ZNF677: variants seen among roughly 807,000 people sequenced by gnomAD.
ZNF677 encodes the protein hypothetical protein MGC48625.
A neutral mutation model predicts 8.1 loss-of-function variants in ZNF677; 5 were observed. That is an observed-to-expected ratio of 0.62 (90% CI 0.32 to 1.29). The LOEUF (loss-of-function observed/expected upper bound fraction) is 1.29, where lower values mean the gene tolerates loss of function less well. Ranked by LOEUF, ZNF677 falls within the 50% of genes most tolerant of loss-of-function variation. The probability of loss-of-function intolerance (pLI) is 0.05; values close to 1 mark genes in which losing one functional copy is unlikely to be tolerated. For synonymous variants in ZNF677, 221 were observed against 225.6 expected (o/e 0.98, Z 0.18); for missense variants, 685 against 685.9 (o/e 1.00, Z 0.01).
At chr19:53,253,710 AG>A (rs2091270714) in intron 1 of ZNF677, among the ~76,000 whole-genome samples, 1 of 145,990 alleles carries the variant, frequency 6.8e-6, no homozygotes, top group Admixed American at 6.9e-5. Context: ...AATAAATAAA[AG>A]AAAGCAAAAG....
intron 3 of ZNF677, among the ~76,000 whole-genome samples, chr19:53,247,762 T>C (rs115019575): frequency 0.032 from 4,907 of 152,300 alleles, 297 homozygotes; most frequent in African/African-American, 0.11. Flanking sequence ...ACTTAAAGTT[T>C]ATTTGGTCTG....
chr19:53,251,824 C>A (rs1568696752), intron 2 of ZNF677, among the ~76,000 whole-genome samples: 1 of 152,154 alleles, frequency 6.6e-6, no homozygotes, highest in African/African-American at 2.4e-5. Flanking sequence ...TTGCTGAAAC[C>A]CACACATTCT....
intron 3 of ZNF677, among the ~76,000 whole-genome samples, chr19:53,250,417 G>A (rs1248254824): frequency 6.6e-6 from 1 of 152,168 alleles, no homozygotes; most frequent in Non-Finnish European, 1.5e-5. Flanking sequence ...GCGAAGACAT[G>A]GAATCAACCT....
chr19:53,238,695 T>C, intron 4 of ZNF677, 138 bp from the exon 5 acceptor site: 1 of 740,778 alleles, frequency 1.3e-6, no homozygotes, highest in Non-Finnish European at 2.0e-6. Flanking sequence ...CTTTAAACGT[T>C]TAACAACACA....
At chr19:53,249,998 G>A (rs1010473483) in intron 3 of ZNF677, among the ~76,000 whole-genome samples, 6 of 151,944 alleles carry the variant, frequency 3.9e-5, no homozygotes, top group Admixed American at 2.0e-4. Flanking sequence ...TCAGCCTCTC[G>A]AGTAGCTGGG....
At chr19:53,244,117 C>G (rs1020322562) in intron 3 of ZNF677, 4 of 490,802 alleles carry the variant, frequency 8.1e-6, no homozygotes, top group Non-Finnish European at 1.4e-5. Context: ...ATTTCAGCAC[C>G]TTGAGAGGCT....
chr19:53,242,341 G>C, intron 4 of ZNF677: 1 of 398,660 alleles, frequency 2.5e-6, no homozygotes, highest in Non-Finnish European at 4.4e-6. Context: ...CTAGAAAAGG[G>C]AGAGAAATAA....
chr19:53,252,168 G>C (rs1277662563), intron 2 of ZNF677, among the ~76,000 whole-genome samples: 1 of 152,126 alleles, frequency 6.6e-6, no homozygotes, highest in Non-Finnish European at 1.5e-5. Flanking sequence ...CCTATGCCCC[G>C]ACCCCTTTCC....
chr19:53,251,149 G>T (rs1302316306), intron 3 of ZNF677, among the ~76,000 whole-genome samples: 1 of 152,036 alleles, frequency 6.6e-6, no homozygotes, highest in Admixed American at 6.6e-5. Flanking sequence ...AGTTTTCCAG[G>T]TATTTGTGCA....
Position 53,238,130 on chromosome 19 carries a change from CAGCT to C in ZNF677, c.593_596del (p.Gln198ArgfsTer46). ...CAGTTTGAAATCTCTGTAGTTCAGC[CAGCT>C]GTGCCTGTAAGCTTAATCCAATTTT... On this transcript the variant is annotated frameshift_variant, in exon 5 of 5. Transcript: ENST00000598513. LOFTEE classifies it low-confidence loss of function (END_TRUNC). 3 of 1,613,772 alleles carry C rather than the reference CAGCT, an allele frequency of 1.9e-6. No homozygotes were observed. The highest frequency in any genetic ancestry group is 2.5e-6 in the Non-Finnish European group (3 of 1,179,790).
Position 53,238,170 on chromosome 19 carries a change from C to A in ZNF677, c.557G>T (p.Cys186Phe). 6.2e-7 allele frequency: 1 copy of A among 1,613,344 alleles called. No individual in the cohort carries two copies. The highest frequency in any genetic ancestry group is 8.5e-7 in the Non-Finnish European group (1 of 1,179,742). Residue 186 changes from cysteine to phenylalanine, a missense_variant, in exon 5 of 5, where the codon TGT (cysteine) becomes TTT (phenylalanine). Cys to Phe is a radical substitution (Grantham distance 205). Coordinates refer to ENST00000598513, the MANE Select transcript of ZNF677 (RefSeq NM_182609.4). ...GCTTAATCCAATTTTATTTTCAAAA[C>A]ACTTCACGTATTTGTTTCCGGCATA... is the stretch of plus-strand genomic sequence containing the variant. ...IRYAGNKYVK[C>F]FENKIGLSLQ...
intron 3 of ZNF677, 63 bp from the exon 4 acceptor site, chr19:53,243,960 G>A (rs2146947272): frequency 6.8e-7 from 1 of 1,465,142 alleles, no homozygotes. Flanking sequence ...ACACAAAATG[G>A]CAGAAAAGAG....
intron 4 of ZNF677, chr19:53,241,773 A>G (rs2091053023): frequency 7.5e-6 from 3 of 398,362 alleles, no homozygotes; most frequent in Non-Finnish European, 1.3e-5. Context: ...GCAGAATGAT[A>G]CTGTGACAGA....
At position 53,241,507 on chromosome 19, in the gene ZNF677, T is replaced by C. The variant is rs145486716; in HGVS notation, c.169+2237A>G. The C allele has an allele frequency of 3.4e-4, 86 of 255,942 alleles. No homozygotes were observed. In the East Asian group the frequency reaches 4.3e-3, roughly 13 times the overall value. The allele number at this position is 255,942 out of a possible 1,614,324, so 15.9% of individuals were successfully genotyped here. On this transcript the variant is annotated intron_variant, in intron 4 of 4. Coordinates refer to ENST00000598513, the MANE Select transcript of ZNF677 (RefSeq NM_182609.4). Reference sequence around the variant, plus strand: ...GGTATGAGCAACAGTTTGGTCAACATGTTCGCAGATATGAGGTTGAGAACT... The same window carrying C: ...GGTATGAGCAACAGTTTGGTCAACACGTTCGCAGATATGAGGTTGAGAACT...
rs980735560 is a variant in ZNF677, at chr19:53,238,399, A to T, written c.328T>A (p.Trp110Arg). Reference protein sequence around the residue: ...WENMPKFDSLWDYDVKNYKGM... With the variant: ...WENMPKFDSLRDYDVKNYKGM... The stretch of plus-strand genomic sequence containing the variant: ...TTGTAATTTTTTACATCATAGTCCC[A>T]CAGGCTGTCAAACTTAGGCATATTT... The change falls in exon 5 of 5, where the codon TGG becomes AGG. Residue 110 changes from tryptophan to arginine, a missense_variant. By Grantham distance (101) the Trp-to-Arg change is moderately radical. Transcript: ENST00000598513. 1.2e-6 allele frequency: 2 copies of T among 1,613,868 alleles called. No individual in the cohort carries two copies. Among genetic ancestry groups the T allele is most frequent in the Non-Finnish European group, 1.7e-6 (2 of 1,179,960 alleles).
At chr19:53,239,841 T>A (rs1248239649) in intron 4 of ZNF677, 4 of 152,202 alleles carry the variant, frequency 2.6e-5, no homozygotes, top group South Asian at 4.1e-4. Flanking sequence ...TACATATCTA[T>A]CCCTAACTCA....
At chr19:53,240,114 T>C (rs1426694500) in intron 4 of ZNF677, 1 of 152,274 alleles carries the variant, frequency 6.6e-6, no homozygotes, top group South Asian at 2.1e-4. Flanking sequence ...CCAGATCATG[T>C]TGCTGTCCTG....
rs2090966139 is a variant in ZNF677, at chr19:53,235,571, CT to C, written c.*1400del. On this transcript the variant is annotated 3_prime_UTR_variant, in exon 5 of 5. Coordinates refer to ENST00000598513, the MANE Select transcript of ZNF677 (RefSeq NM_182609.4). ...TCTCTTCAGTTTCCAAAAATAAGAC[CT>C]ATCTATGTTCAATAATCTGTGATAT... 1 of 152,100 alleles carries C rather than the reference CT, an allele frequency of 6.6e-6. No individual in the cohort carries two copies. Among genetic ancestry groups the C allele is most frequent in the Non-Finnish European group, 1.5e-5 (1 of 67,994 alleles). 9.4% of individuals were successfully genotyped at this position (152,100 alleles called of 1,614,324 possible). A position where few individuals can be genotyped will look rare whatever the true frequency, so the allele number is the denominator to read the frequency against.
Position 53,237,740 on chromosome 19 carries a change from A to C in ZNF677, c.987T>G (p.Ser329Arg), listed in dbSNP as rs1450377070. ...GATGACTTGCAAGATTTGAATTTTG[A>C]CTACAGACCTTGCCACATATATTAC... ...YQCNICGKVC[S>R]QNSNLASHQR... The change falls in exon 5 of 5, where the codon AGT becomes AGG. Residue 329 changes from serine to arginine, a missense_variant. Physicochemically the swap from Ser to Arg is moderately radical, Grantham distance 110. Coordinates refer to ENST00000598513, the MANE Select transcript of ZNF677 (RefSeq NM_182609.4). The C allele has an allele frequency of 3.7e-6, 6 of 1,613,698 alleles. No individual in the cohort carries two copies. The highest frequency in any genetic ancestry group is 5.1e-6 in the Non-Finnish European group (6 of 1,179,852).
Sources: allele counts gnomAD v4.1 joint callset (sites outside exome capture counted in the v4.1 genomes callset), GRCh38; gene constraint gnomAD v4.1.1; transcripts MANE v1.5; gene names NCBI Gene and HGNC (gene_info 2026-07-23, HGNC 2026-07-21).